Variants in IQGAP2 observed in about 807,000 individuals in gnomAD.
The protein encoded by IQGAP2 is IQ motif containing GTPase activating protein 2, also known as ras GTPase-activating-like protein IQGAP2.
IQGAP2 carries 173 observed loss-of-function variants against 201.3 expected under a neutral mutation model. The observed-to-expected ratio is 0.86, with a 90% CI of 0.76 to 0.98. The LOEUF is 0.98. Among genes scored for constraint, IQGAP2 ranks in the 50% least tolerant of loss-of-function variants. The pLI, the probability that IQGAP2 is intolerant of heterozygous loss-of-function variation, is 0.00. For missense variants in IQGAP2, 1,687 were observed against 1,864.8 expected (o/e 0.90, Z 1.76); for synonymous variants, 675 against 673.9 (o/e 1.00, Z -0.03).
At chr5:76,641,699 T>G (rs388058) in intron 17 of IQGAP2, among the ~76,000 whole-genome samples, 94,032 of 152,004 alleles carry the variant, frequency 0.62, 29,242 homozygotes, top group South Asian at 0.78. Context: ...TCTTCTGTAT[T>G]CCTATAGCGC....
In IQGAP2 at chr5:76,685,828, A is replaced by G. The variant is rs143029275; in HGVS notation, c.3905+1911A>G. 5.3e-5 allele frequency among the ~76,000 whole-genome samples: 8 copies of G among 152,336 alleles called. No individual in the cohort carries two copies. The East Asian group carries it at 1.5e-3, about 29-fold the overall frequency. The stretch of plus-strand genomic sequence containing the variant: ...TACCATTTCAGCCATTTTAAAGTGT[A>G]CATGCATTTAGTACATTCGCAGTGT... On this transcript the variant is annotated intron_variant, in intron 30 of 35. Coordinates refer to ENST00000274364, the MANE Select transcript of IQGAP2 (RefSeq NM_006633.5).
In IQGAP2 at chr5:76,708,035, A is replaced by C. The variant is rs1294123870; in HGVS notation, c.*722A>C. 1 of 152,648 alleles carries C rather than the reference A, an allele frequency of 6.6e-6. No individual in the cohort carries two copies. Among genetic ancestry groups the C allele is most frequent in the African/African-American group, 2.4e-5 (1 of 41,496 alleles). 9.5% of individuals were successfully genotyped at this position (152,648 alleles called of 1,614,324 possible). The stretch of plus-strand genomic sequence containing the variant: ...TTTGAATACTTCAATTGTGCCTCTC[A>C]ATTTTTTGTAATGCTAAAAAATCAG... On this transcript the variant is annotated 3_prime_UTR_variant, in exon 36 of 36. Transcript: ENST00000274364.
In IQGAP2 at chr5:76,478,260, G is replaced by A. The variant is rs144201994; in HGVS notation, c.146+16591G>A. 3.3e-4 allele frequency among the ~76,000 whole-genome samples: 51 copies of A among 152,272 alleles called. No homozygotes were observed. In the East Asian group the frequency reaches 9.1e-3, roughly 27 times the overall value. On this transcript the variant is annotated intron_variant, in intron 2 of 35. Coordinates refer to ENST00000274364, the MANE Select transcript of IQGAP2 (RefSeq NM_006633.5). The stretch of plus-strand genomic sequence containing the variant: ...TACTAAAAATACAAAAATTAGCCAG[G>A]CGTGGTGGTGCATACCTATAATCCC...
chr5:76,550,301 C>A (rs1309012620), intron 2 of IQGAP2, among the ~76,000 whole-genome samples: 1 of 149,156 alleles, frequency 6.7e-6, no homozygotes, highest in Non-Finnish European at 1.5e-5. Flanking sequence ...GAAAATAATT[C>A]TTTTTACATG....
chr5:76,561,776 T>C (rs992191356), intron 2 of IQGAP2, among the ~76,000 whole-genome samples: 1 of 152,266 alleles, frequency 6.6e-6, no homozygotes. Flanking sequence ...GTCTAAAATA[T>C]TTTTTTCAGA....
chr5:76,574,114 C>G (rs1326260589), intron 4 of IQGAP2, among the ~76,000 whole-genome samples: 1 of 152,084 alleles, frequency 6.6e-6, no homozygotes, highest in African/African-American at 2.4e-5. Flanking sequence ...TTGAGTATCA[C>G]GTACTACCAT....
chr5:76,520,914 G>A (rs1758645549), intron 2 of IQGAP2, among the ~76,000 whole-genome samples: 1 of 151,214 alleles, frequency 6.6e-6, no homozygotes, highest in Non-Finnish European at 1.5e-5. Context: ...TCACCATGCT[G>A]GCCAGGCTGG....
intron 1 of IQGAP2, among the ~76,000 whole-genome samples, chr5:76,452,661 ACT>A (rs1365872503): frequency 6.6e-6 from 1 of 152,080 alleles, no homozygotes; most frequent in Non-Finnish European, 1.5e-5. Context: ...TAATAGCGAC[ACT>A]CTCAGAAAAG....
chr5:76,615,669 T>C (rs1021306467), intron 13 of IQGAP2: 32 of 152,068 alleles, frequency 2.1e-4, no homozygotes, highest in African/African-American at 7.7e-4. Flanking sequence ...ATCACTAATA[T>C]CTTCCCTCCT....
chr5:76,596,187 T>A (rs1404263168), intron 9 of IQGAP2, among the ~76,000 whole-genome samples: 1 of 152,160 alleles, frequency 6.6e-6, no homozygotes, highest in East Asian at 1.9e-4. Context: ...TGTCATCTTG[T>A]CAAAAAGGGT....
chr5:76,595,734 C>T (rs7722452), intron 9 of IQGAP2, among the ~76,000 whole-genome samples: 40,280 of 150,634 alleles, frequency 0.27, 5,782 homozygotes, highest in South Asian at 0.46. Flanking sequence ...GCACTCCAGC[C>T]TTGGCAACAG....
At chr5:76,617,379 G>C (rs1348638938) in intron 13 of IQGAP2, 2 of 517,868 alleles carry the variant, frequency 3.9e-6, no homozygotes, top group South Asian at 5.3e-5. Context: ...AGCCAAGATA[G>C]TGCCACTGCA....
At chr5:76,504,964 C>T (rs962069047) in intron 2 of IQGAP2, among the ~76,000 whole-genome samples, 2 of 152,142 alleles carry the variant, frequency 1.3e-5, no homozygotes, top group African/African-American at 4.8e-5. Flanking sequence ...TACACCAGCC[C>T]CCACTTGCTG....
chr5:76,585,324 TCTG>T (rs1215934925), intron 5 of IQGAP2, among the ~76,000 whole-genome samples: 5 of 152,322 alleles, frequency 3.3e-5, no homozygotes, highest in African/African-American at 1.2e-4. Context: ...TTTATGGATG[TCTG>T]CTTACATTTT....
chr5:76,481,309 GA>G (rs2150144875), intron 2 of IQGAP2, among the ~76,000 whole-genome samples: 1 of 152,106 alleles, frequency 6.6e-6, no homozygotes, highest in East Asian at 1.9e-4. Flanking sequence ...AAAAACAGGT[GA>G]AATAATTTTA....
At chr5:76,525,057 C>CT (rs1758893246) in intron 2 of IQGAP2, among the ~76,000 whole-genome samples, 1 of 152,172 alleles carries the variant, frequency 6.6e-6, no homozygotes, top group African/African-American at 2.4e-5. Context: ...AGTAACCTCC[C>CT]ATGGGACTGC....
chr5:76,691,021 T>C (rs990581209), intron 30 of IQGAP2, among the ~76,000 whole-genome samples: 1 of 152,250 alleles, frequency 6.6e-6, no homozygotes, highest in African/African-American at 2.4e-5. Context: ...ACAAGGATTA[T>C]ATAACTTGCA....
At chr5:76,520,700 CTTT>C (rs5868829) in intron 2 of IQGAP2, among the ~76,000 whole-genome samples, 4 of 109,236 alleles carry the variant, frequency 3.7e-5, no homozygotes, top group African/African-American at 7.2e-5. Flanking sequence ...GGTCTCTCCT[CTTT>C]TTTTTTTTTT....
chr5:76,545,088 CTA>C (rs1021912862), intron 2 of IQGAP2, among the ~76,000 whole-genome samples: 2 of 152,022 alleles, frequency 1.3e-5, no homozygotes, highest in African/African-American at 2.4e-5. Context: ...ATACACATAA[CTA>C]TGTATATAAA....
Sources: allele counts gnomAD v4.1 joint callset (sites outside exome capture counted in the v4.1 genomes callset), GRCh38; gene constraint gnomAD v4.1.1; transcripts MANE v1.5; gene names NCBI Gene and HGNC (gene_info 2026-07-23, HGNC 2026-07-21).